Variants in FER1L6 observed in about 807,000 individuals in gnomAD.
FER1L6 encodes fer-1 like family member 6, also known as fer-1-like protein 6.
In FER1L6, 177 loss-of-function variants were observed where a neutral mutation model predicts 219.2. That is an observed-to-expected ratio of 0.81 (90% confidence interval 0.71 to 0.91). The LOEUF is 0.91. FER1L6 is among the 40% of genes least tolerant of loss of function. The pLI is 0.00. For synonymous variants in FER1L6, 768 were observed against 824.3 expected (o/e 0.93, Z 1.17); for missense variants, 2,153 against 2,259.9 (o/e 0.95, Z 0.96).
At chr8:124,002,269 C>T (rs745941926) in intron 12 of FER1L6, among the ~76,000 whole-genome samples, 57 of 152,156 alleles carry the variant, frequency 3.7e-4, no homozygotes, top group Non-Finnish European at 6.6e-4. Flanking sequence ...GGGCTCCTTC[C>T]TGGTAAAGAG....
At chr8:124,025,261 C>A (rs1218576845) in intron 18 of FER1L6, among the ~76,000 whole-genome samples, 1 of 151,760 alleles carries the variant, frequency 6.6e-6, no homozygotes, top group African/African-American at 2.4e-5. Flanking sequence ...AAATTCTTTG[C>A]CAGAAGAGTT....
chr8:123,998,789 C>T (rs892181682), intron 12 of FER1L6, among the ~76,000 whole-genome samples: 3 of 152,106 alleles, frequency 2.0e-5, no homozygotes, highest in Non-Finnish European at 4.4e-5. Flanking sequence ...ACATTCTTTC[C>T]ACTCTTCTCT....
intron 12 of FER1L6, among the ~76,000 whole-genome samples, chr8:123,989,647 G>A (rs747163540): frequency 7.2e-5 from 11 of 152,248 alleles, no homozygotes; most frequent in Admixed American, 4.6e-4. Context: ...CTGCTTATAA[G>A]TGAGAACATA....
intron 1 of FER1L6, among the ~76,000 whole-genome samples, chr8:123,892,010 G>C (rs886384749): frequency 6.6e-6 from 1 of 152,178 alleles, no homozygotes; most frequent in Non-Finnish European, 1.5e-5. Context: ...CTGGGCCCAT[G>C]TGCCGAAATA....
At chr8:124,094,002 T>C (rs577652036) in intron 34 of FER1L6, among the ~76,000 whole-genome samples, 1 of 152,304 alleles carries the variant, frequency 6.6e-6, no homozygotes, top group South Asian at 2.1e-4. Context: ...TATTCAACAA[T>C]TTTTGTCTTG....
At position 124,049,814 on chromosome 8, in the gene FER1L6, C is replaced by G. The variant is rs1819922675; in HGVS notation, c.2874+58C>G. 7.7e-6 allele frequency: 12 copies of G among 1,563,526 alleles called. No homozygotes were observed. In the South Asian group the frequency reaches 1.2e-4, roughly 16 times the overall value. The stretch of plus-strand genomic sequence containing the variant: ...AGGTCTACCTGGCCAGAGAAGTGGC[C>G]TCACCACAAATGCCACTTCAATGAA... On this transcript the variant is annotated intron_variant, in intron 22 of 40. Transcript: ENST00000522917.
Position 123,909,492 on chromosome 8 carries a change from C to T in FER1L6, c.-7-46500C>T, listed in dbSNP as rs548227127. On this transcript the variant is annotated intron_variant, in intron 1 of 40. Transcript: ENST00000522917. ...GGGGCAGAGGTGAGTTAGGAGGATG[C>T]CGCACAATCCAGGGTGAGAACTAAT... Among the ~76,000 whole-genome samples the T allele has an allele frequency of 2.3e-4, 35 of 152,126 alleles. 1 individual carries two copies. The South Asian group carries it at 7.1e-3, about 31-fold the overall frequency.
intron 31 of FER1L6, 58 bp downstream of exon 31, chr8:124,071,689 A>G (rs1259528330): frequency 6.4e-7 from 1 of 1,562,366 alleles, no homozygotes. Context: ...CTGCCATAAC[A>G]AAATATATGG....
chr8:124,095,603 G>T (rs959821857), intron 35 of FER1L6, among the ~76,000 whole-genome samples: 16 of 152,312 alleles, frequency 1.1e-4, no homozygotes, highest in African/African-American at 2.4e-4. Context: ...GATAAACTTT[G>T]TGAAGAGCCT....
At chr8:123,937,338 T>C (rs1814047042) in intron 1 of FER1L6, among the ~76,000 whole-genome samples, 1 of 152,256 alleles carries the variant, frequency 6.6e-6, no homozygotes, top group Non-Finnish European at 1.5e-5. Flanking sequence ...TAAATTCTTT[T>C]ATCTATCTAG....
intron 6 of FER1L6, among the ~76,000 whole-genome samples, chr8:123,971,546 G>A (rs1815817559): frequency 6.6e-6 from 1 of 152,208 alleles, no homozygotes; most frequent in African/African-American, 2.4e-5. Context: ...CTAGACAGAG[G>A]ATCAAAGCTA....
intron 31 of FER1L6, among the ~76,000 whole-genome samples, chr8:124,074,648 TC>T (rs1342592977): frequency 6.9e-6 from 1 of 144,382 alleles, no homozygotes; most frequent in African/African-American, 2.7e-5. Flanking sequence ...CAAGATACTG[TC>T]TAAAAAAAAA....
intron 1 of FER1L6, among the ~76,000 whole-genome samples, chr8:123,898,578 A>G (rs983675149): frequency 4.0e-5 from 6 of 150,364 alleles, no homozygotes; most frequent in Non-Finnish European, 5.9e-5. Flanking sequence ...ATAGTCTCCA[A>G]TCTCATCCAG....
chr8:123,907,827 C>T (rs78858226), intron 1 of FER1L6, among the ~76,000 whole-genome samples: 4 of 151,518 alleles, frequency 2.6e-5, no homozygotes, highest in Non-Finnish European at 4.4e-5. Context: ...AGAAATAAGT[C>T]ACCAGTGTCT....
intron 1 of FER1L6, among the ~76,000 whole-genome samples, chr8:123,898,699 G>A (rs1242279253): frequency 2.1e-5 from 3 of 141,648 alleles, no homozygotes; most frequent in Non-Finnish European, 3.0e-5. Flanking sequence ...GTACATATAT[G>A]TGTATACGTA....
At chr8:124,082,055 A>G (rs909238466) in intron 32 of FER1L6, among the ~76,000 whole-genome samples, 2 of 152,230 alleles carry the variant, frequency 1.3e-5, no homozygotes, top group African/African-American at 2.4e-5. Flanking sequence ...AGACTACAAG[A>G]TGTGGCCCAT....
chr8:124,104,938 T>C (rs1822704006), intron 39 of FER1L6, among the ~76,000 whole-genome samples: 3 of 152,184 alleles, frequency 2.0e-5, no homozygotes, highest in Admixed American at 1.3e-4. Context: ...GTCTCTGTTA[T>C]CATAGAGCTT....
At chr8:123,939,586 C>T (rs79256238) in intron 1 of FER1L6, among the ~76,000 whole-genome samples, 6,317 of 152,256 alleles carry the variant, frequency 0.041, 188 homozygotes, top group Non-Finnish European at 0.062. Flanking sequence ...AAGAAAGTTT[C>T]CTGCAGGTCG....
At chr8:124,078,971 A>G (rs534054821) in intron 32 of FER1L6, among the ~76,000 whole-genome samples, 5 of 152,268 alleles carry the variant, frequency 3.3e-5, no homozygotes, top group Middle Eastern at 6.8e-3. Context: ...GTGGGCTGCA[A>G]GGGAGCCTCT....
Sources: allele counts gnomAD v4.1 joint callset (sites outside exome capture counted in the v4.1 genomes callset), GRCh38; gene constraint gnomAD v4.1.1; transcripts MANE v1.5; gene names NCBI Gene and HGNC (gene_info 2026-07-23, HGNC 2026-07-21).